CTNND2: variants seen among roughly 807,000 people sequenced by gnomAD.
CTNND2 encodes catenin delta-2.
A neutral mutation model predicts 144.4 loss-of-function variants in CTNND2; 22 were observed. The observed-to-expected ratio is 0.15, with a 90% CI of 0.11 to 0.22. CTNND2 has a LOEUF of 0.22. Ranked by LOEUF, CTNND2 falls within the 10% of genes least tolerant of loss-of-function variation. The probability of loss-of-function intolerance (pLI) is 1.00; values close to 1 mark genes in which losing one functional copy is unlikely to be tolerated. For missense variants in CTNND2, 1,353 were observed against 1,618.8 expected (o/e 0.84, Z 2.82); for synonymous variants, 751 against 695.6 (o/e 1.08, Z -1.25).
chr5:11,825,351 C>T (rs1300074204), intron 1 of CTNND2, among the ~76,000 whole-genome samples: 1 of 151,896 alleles, frequency 6.6e-6, no homozygotes, highest in East Asian at 1.9e-4. Context: ...CTTATCAGCA[C>T]AAAAGAGCTG....
At chr5:11,378,392 C>G (rs545049875) in intron 7 of CTNND2, among the ~76,000 whole-genome samples, 1 of 152,130 alleles carries the variant, frequency 6.6e-6, no homozygotes, top group Non-Finnish European at 1.5e-5. Context: ...AGGTCTAGTT[C>G]GAAAGAACCC....
At chr5:11,492,836 T>G (rs921117266) in intron 3 of CTNND2, among the ~76,000 whole-genome samples, 2 of 151,988 alleles carry the variant, frequency 1.3e-5, no homozygotes, top group Admixed American at 6.6e-5. Context: ...TTTGGGATGC[T>G]GAGGGGGGCA....
At chr5:11,194,200 G>A (rs761675497) in intron 11 of CTNND2, among the ~76,000 whole-genome samples, 1 of 152,126 alleles carries the variant, frequency 6.6e-6, no homozygotes, top group Non-Finnish European at 1.5e-5. Flanking sequence ...CCAGGGAGGT[G>A]GCTAACTTTC....
At chr5:11,700,349 A>C (rs1488641256) in intron 2 of CTNND2, among the ~76,000 whole-genome samples, 1 of 152,104 alleles carries the variant, frequency 6.6e-6, no homozygotes, top group Non-Finnish European at 1.5e-5. Flanking sequence ...AAGATCATGC[A>C]ACTGTGCTCC....
chr5:11,560,167 C>T (rs1776572977), intron 3 of CTNND2, among the ~76,000 whole-genome samples: 1 of 152,168 alleles, frequency 6.6e-6, no homozygotes, highest in South Asian at 2.1e-4. Context: ...TACTAGCCCT[C>T]AGGAAAAACT....
At chr5:11,415,359 T>C (rs567173365) in intron 3 of CTNND2, among the ~76,000 whole-genome samples, 1 of 152,224 alleles carries the variant, frequency 6.6e-6, no homozygotes, top group South Asian at 2.1e-4. Context: ...ATCCCAGTGA[T>C]TTGGGAGGCT....
At chr5:10,994,564 C>T (rs1222030150) in intron 18 of CTNND2, among the ~76,000 whole-genome samples, 1 of 151,884 alleles carries the variant, frequency 6.6e-6, no homozygotes, top group Non-Finnish European at 1.5e-5. Context: ...GAGGTGCTGT[C>T]GGGAGCCTTA....
Position 11,797,290 on chromosome 5 carries a change from G to A in CTNND2, c.38-65018C>T, listed in dbSNP as rs146709141. On this transcript the variant is annotated intron_variant, in intron 1 of 21. Transcript: ENST00000304623. ...AGGGCAGTGGGGATGCTGCATTCCC[G>A]TCATTGTCACAGCCTGGCACTTGCC... 6.0e-4 allele frequency among the ~76,000 whole-genome samples: 91 copies of A among 152,254 alleles called. 3 individuals carry two copies. The East Asian group carries it at 0.015, about 24-fold the overall frequency.
chr5:10,978,354 C>T (rs1334447269), intron 21 of CTNND2, among the ~76,000 whole-genome samples: 3 of 152,188 alleles, frequency 2.0e-5, no homozygotes, highest in Non-Finnish European at 4.4e-5. Context: ...GATGGTTGCA[C>T]TTTATTGAGT....
At chr5:11,807,627 C>A (rs557265101) in intron 1 of CTNND2, among the ~76,000 whole-genome samples, 1 of 152,222 alleles carries the variant, frequency 6.6e-6, no homozygotes, top group African/African-American at 2.4e-5. Flanking sequence ...TCTAATACAA[C>A]CTTAGAATTG....
intron 1 of CTNND2, among the ~76,000 whole-genome samples, chr5:11,856,091 T>TATA (rs1389641003): frequency 2.6e-5 from 4 of 152,190 alleles, no homozygotes; most frequent in African/African-American, 9.7e-5. Flanking sequence ...ATTAATTATC[T>TATA]ATAAGCCACC....
chr5:11,813,379 T>A (rs1792448543), intron 1 of CTNND2, among the ~76,000 whole-genome samples: 1 of 152,200 alleles, frequency 6.6e-6, no homozygotes, highest in African/African-American at 2.4e-5. Flanking sequence ...AGTGAAATAG[T>A]ATAGTTGTGC....
Position 11,728,983 on chromosome 5 carries a change from T to C in CTNND2, c.174+3153A>G, listed in dbSNP as rs541006933. The stretch of plus-strand genomic sequence containing the variant: ...CTTTAAGAATGATTTAGGATACAAA[T>C]CCCCTAATGAAGGATAAGATTGGTT... On this transcript the variant is annotated intron_variant, in intron 2 of 21. Coordinates refer to ENST00000304623, the MANE Select transcript of CTNND2 (RefSeq NM_001332.4). Among the ~76,000 whole-genome samples, 43 of 152,124 alleles carry C rather than the reference T, an allele frequency of 2.8e-4. 2 individuals are homozygous for C. In the South Asian group the frequency reaches 8.1e-3, roughly 29 times the overall value.
At chr5:11,709,910 A>G (rs1390191733) in intron 2 of CTNND2, among the ~76,000 whole-genome samples, 1 of 152,240 alleles carries the variant, frequency 6.6e-6, no homozygotes, top group Non-Finnish European at 1.5e-5. Flanking sequence ...ACAAAAAAGC[A>G]TATTTGTACA....
intron 3 of CTNND2, among the ~76,000 whole-genome samples, chr5:11,561,104 T>C (rs1488952217): frequency 6.6e-6 from 1 of 152,162 alleles, no homozygotes; most frequent in Non-Finnish European, 1.5e-5. Flanking sequence ...GGAATGGGCC[T>C]TGGGCTGAGC....
intron 3 of CTNND2, among the ~76,000 whole-genome samples, chr5:11,516,962 G>A (rs1463283582): frequency 6.6e-6 from 1 of 152,160 alleles, no homozygotes; most frequent in East Asian, 1.9e-4. Context: ...ATATGTTTAT[G>A]TAGTTACTAC....
chr5:11,793,533 T>C (rs1427572241), intron 1 of CTNND2, among the ~76,000 whole-genome samples: 1 of 152,088 alleles, frequency 6.6e-6, no homozygotes. Context: ...GATGTCCTCA[T>C]GAAAAAGGGA....
intron 10 of CTNND2, among the ~76,000 whole-genome samples, chr5:11,235,812 G>A (rs1362201448): frequency 1.3e-5 from 2 of 152,196 alleles, no homozygotes; most frequent in Admixed American, 1.3e-4. Context: ...AAAAAGCCAT[G>A]AGGCTATGTA....
intron 2 of CTNND2, among the ~76,000 whole-genome samples, chr5:11,673,442 G>GA (rs1219677369): frequency 5.9e-5 from 9 of 151,948 alleles, no homozygotes; most frequent in African/African-American, 1.9e-4. Flanking sequence ...TATTTGTTTA[G>GA]AAAATCTGCT....
Sources: gnomAD v4.1 joint callset for allele counts (sites outside exome capture counted in the v4.1 genomes callset) on GRCh38, gnomAD v4.1.1 for gene constraint, MANE v1.5 for transcripts, NCBI Gene and HGNC (gene_info 2026-07-23, HGNC 2026-07-21) for gene names.